Variants in MATK observed in about 807,000 individuals in gnomAD.
MATK encodes the protein megakaryocyte-associated tyrosine kinase.
Under a neutral mutation model 59.8 loss-of-function variants are expected in MATK, and 41 were observed. The ratio of observed to expected loss-of-function variants is 0.69; its 90% CI spans 0.53 to 0.89. The LOEUF is 0.89. Ranked by LOEUF, MATK falls within the 40% of genes least tolerant of loss-of-function variation. The pLI, the probability that MATK is intolerant of heterozygous loss-of-function variation, is 0.00. For synonymous variants in MATK, 308 were observed against 306.1 expected (o/e 1.01, Z -0.06); for missense variants, 593 against 719.6 (o/e 0.82, Z 2.01).
chr19:3,789,950 G>A (rs1329056112), upstream of MATK, among the ~76,000 whole-genome samples: 2 of 147,838 alleles, frequency 1.4e-5, no homozygotes, highest in African/African-American at 5.0e-5. Context: ...CACGCAGGCT[G>A]GAGTGCAGTG....
upstream of MATK, chr19:3,786,400 C>A: frequency 2.0e-6 from 2 of 980,114 alleles, no homozygotes; most frequent in East Asian, 1.2e-4. This position sits in a 1 kb window ranked among gnomAD's most constrained non-coding sequence, Gnocchi z 4.1. Context: ...CTCCGCGCGC[C>A]GCCGCCGCCG....
At chr19:3,794,016 G>A (rs1433306646) in intron 1 of MATK, among the ~76,000 whole-genome samples, 2 of 152,106 alleles carry the variant, frequency 1.3e-5, no homozygotes, top group East Asian at 3.9e-4. Context: ...GCTCAGGCAT[G>A]GGGCAGCCAC....
upstream of MATK, among the ~76,000 whole-genome samples, chr19:3,787,957 C>A (rs12461735): frequency 0.49 from 74,052 of 150,908 alleles, 20,057 homozygotes; most frequent in South Asian, 0.69. Flanking sequence ...AGCTGGGGGT[C>A]TCTCTGTGTT....
At chr19:3,797,127 A>G (rs1044238396) in intron 1 of MATK, among the ~76,000 whole-genome samples, 1 of 151,786 alleles carries the variant, frequency 6.6e-6, no homozygotes, top group African/African-American at 2.4e-5. Flanking sequence ...GAATGATATC[A>G]TTGGTGATTT....
chr19:3,777,980 G>C lies in MATK; in HGVS notation c.*203C>G. On this transcript the variant is annotated 3_prime_UTR_variant, in exon 14 of 14. Coordinates refer to ENST00000310132, the MANE Select transcript of MATK (RefSeq NM_139355.3). ...GACACACAGGCGCCTAGAGTCCTTAGAATCCGTCTTTATCGGGCGATCATC... is the reference window on the plus strand; with the variant it reads ...GACACACAGGCGCCTAGAGTCCTTACAATCCGTCTTTATCGGGCGATCATC... 1.5e-6 allele frequency: 1 copy of C among 656,728 alleles called. No homozygotes were observed. The highest frequency in any genetic ancestry group is 2.4e-6 in the Non-Finnish European group (1 of 419,638). 40.7% of individuals were successfully genotyped at this position (656,728 alleles called of 1,614,324 possible).
At position 3,784,129 on chromosome 19, in the gene MATK, G is replaced by A. The variant is rs763248505; in HGVS notation, c.357C>T (p.Leu119=). Residue 119 remains leucine, a synonymous_variant, in exon 5 of 14, where the codon CTC becomes CTT. Coordinates refer to ENST00000310132, the MANE Select transcript of MATK (RefSeq NM_139355.3). ...EALSADPKLS[L]MPWFHGKISG... ...CCCCTGTCCTGCCCACTCACGGCAT[G>A]AGGCTGAGCTTGGGGTCTGCGGAGA... The A allele has an allele frequency of 3.1e-6, 5 of 1,609,022 alleles. No homozygotes were observed. The East Asian group carries it at 8.9e-5, about 29-fold the overall frequency.
At chr19:3,786,528 C>T (rs1342142661), upstream of MATK, 20 of 288,940 alleles carry the variant, frequency 6.9e-5, no homozygotes, top group Non-Finnish European at 7.7e-5. The surrounding 1 kb of genome is among the most constrained non-coding windows in gnomAD (Gnocchi z 4.1). Flanking sequence ...CGGGCGTGCA[C>T]CCCCCACCCA....
At chr19:3,791,087 C>G (rs542109659), upstream of MATK, among the ~76,000 whole-genome samples, 1 of 152,104 alleles carries the variant, frequency 6.6e-6, no homozygotes, top group African/African-American at 2.4e-5. Flanking sequence ...GATTTCTTCC[C>G]GAGGGGGTTC....
rs779617601 is a variant in MATK at position 3,783,865 on chromosome 19, G to A, written c.531C>T (p.His177=). 5 of 1,613,186 alleles carry A rather than the reference G, an allele frequency of 3.1e-6. No individual in the cohort carries two copies. In the South Asian group the frequency reaches 5.5e-5, roughly 18 times the overall value. Residue 177 remains histidine, a synonymous_variant, in exon 6 of 14, where the codon CAC becomes CAT. Coordinates refer to ENST00000310132, the MANE Select transcript of MATK (RefSeq NM_139355.3). ...AGAACACGGCCTCATCGATTGTGAGGTGGCCGTCGCGGTGCAGCACGCGGT... is the reference window on the plus strand; with the variant it reads ...AGAACACGGCCTCATCGATTGTGAGATGGCCGTCGCGGTGCAGCACGCGGT... The part of the protein sequence containing the change: ...IHYRVLHRDG[H]LTIDEAVFFC...
In MATK at chr19:3,785,484, G is replaced by T. The variant is rs1266765929; in HGVS notation, c.-151-198C>A. ...CAAAGTCACTCATTGCTGCAGGGGT[G>T]GGGGAGCCTCCCTGCCTCCCCCATC... On this transcript the variant is annotated intron_variant, in intron 1 of 13. Coordinates refer to ENST00000310132, the MANE Select transcript of MATK (RefSeq NM_139355.3). 2.8e-5 allele frequency: 10 copies of T among 351,916 alleles called. 1 individual carries two copies. In the Middle Eastern group the frequency reaches 2.7e-3, roughly 95 times the overall value. The allele number at this position is 351,916 out of a possible 1,614,324, so 21.8% of individuals were successfully genotyped here.
chr19:3,789,485 A>G, upstream of MATK: 1 of 565,630 alleles, frequency 1.8e-6, no homozygotes, highest in Non-Finnish European at 3.2e-6. Context: ...AGAAGAAATA[A>G]TAAGGGGAAC....
At position 3,786,350 on chromosome 19, in the gene MATK, A is replaced by G; in HGVS notation, c.-333T>C. ...AAAGCGGGAGGCGCCGCGGCCTGGG[A>G]GGCCCCCGCGGGTCCTAGCGCCGGC... is the stretch of plus-strand genomic sequence containing the variant. On this transcript the variant is annotated 5_prime_UTR_variant, in exon 1 of 14. Transcript: ENST00000310132. The surrounding 1 kb of genome is among the most constrained non-coding windows in gnomAD (Gnocchi z 4.1). The G allele has an allele frequency of 1.0e-6, 1 of 983,610 alleles. No homozygotes were observed. Among genetic ancestry groups the G allele is most frequent in the Non-Finnish European group, 1.2e-6 (1 of 829,260 alleles). The allele number at this position is 983,610 out of a possible 1,614,324, so 60.9% of individuals were successfully genotyped here. A position where few individuals can be genotyped will look rare whatever the true frequency, so the allele number is the denominator to read the frequency against.
At chr19:3,781,916 A>G (rs1330626213) in intron 7 of MATK, among the ~76,000 whole-genome samples, 4 of 152,208 alleles carry the variant, frequency 2.6e-5, no homozygotes, top group South Asian at 2.1e-4. Context: ...AGGGGCTTAC[A>G]GGAGGGATAG....
chr19:3,782,424 T>C (rs2037414237), intron 7 of MATK, among the ~76,000 whole-genome samples: 1 of 152,154 alleles, frequency 6.6e-6, no homozygotes. Flanking sequence ...GAGACAGACA[T>C]GGGGTCAGAG....
chr19:3,794,182 CG>C (rs2037571375), intron 1 of MATK, among the ~76,000 whole-genome samples: 1 of 152,182 alleles, frequency 6.6e-6, no homozygotes, highest in African/African-American at 2.4e-5. Context: ...TTGTCAAAGC[CG>C]GAATCCCCAC....
At chr19:3,799,822 C>G (rs1313776955) in intron 1 of MATK, among the ~76,000 whole-genome samples, 2 of 151,578 alleles carry the variant, frequency 1.3e-5, no homozygotes, top group Non-Finnish European at 2.9e-5. Flanking sequence ...GCCTGGGTGA[C>G]AGAGCGAGAC....
rs755391462 is a variant in MATK, at chr19:3,784,264, AGTGTGGGGG to A, written c.247-34_247-26del. 3.1e-6 allele frequency: 5 copies of A among 1,599,950 alleles called. No homozygotes were observed. The South Asian group carries it at 5.5e-5, about 18-fold the overall frequency. On this transcript the variant is annotated intron_variant, in intron 4 of 13. Transcript: ENST00000310132. ...TCTGCCAGGGAGGAAGCACGGGGTT[AGTGTGGGGG>A]GTGTGGGGGTGGTCCTGGTGGAGCC... is the stretch of plus-strand genomic sequence containing the variant.
chr19:3,783,708 G>A lies in MATK; in HGVS notation c.582+106C>T, dbSNP rs917906491. The A allele has an allele frequency of 5.0e-6, 5 of 999,920 alleles. No individual in the cohort carries two copies. In the African/African-American group the frequency reaches 6.4e-5, roughly 13 times the overall value. The allele number at this position is 999,920 out of a possible 1,614,324, so 61.9% of individuals were successfully genotyped here. ...GGTGTCTGCCCAGCTGCTGGGGAAG[G>A]GATGGAGGTCAGGTGACCCGCCCCT... On this transcript the variant is annotated intron_variant, in intron 6 of 13. Coordinates refer to ENST00000310132, the MANE Select transcript of MATK (RefSeq NM_139355.3).
chr19:3,783,918 C>T lies in MATK; in HGVS notation c.478G>A (p.Val160Met), dbSNP rs1226170427. The T allele has an allele frequency of 1.2e-6, 2 of 1,612,916 alleles. No homozygotes were observed. Among genetic ancestry groups the T allele is most frequent in the Non-Finnish European group, 8.5e-7 (1 of 1,179,888 alleles). The change falls in exon 6 of 14, where the codon GTG (valine) becomes ATG (methionine). Residue 160 changes from valine to methionine, a missense_variant. By Grantham distance (21) the Val-to-Met change is conservative. Coordinates refer to ENST00000310132, the MANE Select transcript of MATK (RefSeq NM_139355.3). ...ARHPGDYVLC[V>M]SFGRDVIHYR... is the part of the protein sequence containing the mutation. ...TGGATGACGTCGCGGCCAAAGCTCACGCACAGGACGTAGTCGCCGGGGTGG... is the reference window on the plus strand; with the variant it reads ...TGGATGACGTCGCGGCCAAAGCTCATGCACAGGACGTAGTCGCCGGGGTGG...
Sources: allele counts gnomAD v4.1 joint callset (sites outside exome capture counted in the v4.1 genomes callset), GRCh38; gene constraint gnomAD v4.1.1; non-coding constraint Gnocchi (gnomAD v3.1); transcripts MANE v1.5; gene names NCBI Gene and HGNC (gene_info 2026-07-23, HGNC 2026-07-21).